Variants in ZNF423 observed in about 807,000 individuals in gnomAD.
ZNF423 encodes Ebf-associated zinc finger protein.
In ZNF423, 12 loss-of-function variants were observed where a neutral mutation model predicts 95.8. That is an observed-to-expected ratio of 0.13 (90% confidence interval 0.08 to 0.20). ZNF423 has a LOEUF of 0.20. ZNF423 is among the 10% of genes least tolerant of loss of function. The pLI, the probability that ZNF423 is intolerant of heterozygous loss-of-function variation, is 1.00. For synonymous variants in ZNF423, 749 were observed against 711.9 expected, an observed-to-expected ratio of 1.05 and a Z score of -0.83; for missense variants, 1,316 against 1,737.1, an observed-to-expected ratio of 0.76 and a Z score of 4.31.
At chr16:49,733,213 TAA>T (rs34982742) in intron 2 of ZNF423, among the ~76,000 whole-genome samples, 1 of 150,504 alleles carries the variant, frequency 6.6e-6, no homozygotes, top group African/African-American at 2.4e-5. Flanking sequence ...CTTTCCTTAA[TAA>T]AAAAAAAATG....
At chr16:49,652,172 C>G (rs1973433076) in intron 3 of ZNF423, among the ~76,000 whole-genome samples, 3 of 152,064 alleles carry the variant, frequency 2.0e-5, no homozygotes, top group Admixed American at 1.3e-4. Context: ...CCCCCGCCCC[C>G]ACATGGCTGC....
chr16:49,602,459 T>C (rs1274062050), intron 5 of ZNF423, among the ~76,000 whole-genome samples: 1 of 152,176 alleles, frequency 6.6e-6, no homozygotes, highest in Non-Finnish European at 1.5e-5. Flanking sequence ...CCAGGTCAGC[T>C]GGCAGGTCAT....
intron 7 of ZNF423, chr16:49,518,694 T>A: frequency 2.8e-6 from 1 of 355,928 alleles, no homozygotes; most frequent in Non-Finnish European, 5.3e-6. Flanking sequence ...TTTTCCAGAA[T>A]GTCATGTCAA....
chr16:49,767,021 A>G (rs2033942636), intron 2 of ZNF423, among the ~76,000 whole-genome samples: 1 of 149,304 alleles, frequency 6.7e-6, no homozygotes, highest in Non-Finnish European at 1.5e-5. Context: ...CCCAAGCTGT[A>G]GTGCAGTGGT....
At chr16:49,617,990 T>C (rs1971932450) in intron 5 of ZNF423, among the ~76,000 whole-genome samples, 1 of 152,224 alleles carries the variant, frequency 6.6e-6, no homozygotes, top group East Asian at 1.9e-4. Context: ...TCACCATCTA[T>C]GCTGATGCCG....
intron 3 of ZNF423, among the ~76,000 whole-genome samples, chr16:49,672,338 T>TG (rs968874218): frequency 2.4e-4 from 36 of 152,198 alleles, no homozygotes; most frequent in African/African-American, 8.7e-4. Context: ...GGTGACCCTG[T>TG]GGGGTAGGTA....
chr16:49,530,133 C>T (rs1316642827), intron 5 of ZNF423, among the ~76,000 whole-genome samples: 1 of 152,214 alleles, frequency 6.6e-6, no homozygotes. Flanking sequence ...CCTCTCTGAG[C>T]TTCTGCTTCT....
At chr16:49,723,141 G>C (rs1322147005) in intron 3 of ZNF423, among the ~76,000 whole-genome samples, 1 of 151,948 alleles carries the variant, frequency 6.6e-6, no homozygotes, top group African/African-American at 2.4e-5. Context: ...ATTTTCAGTA[G>C]AGACGGGGTT....
chr16:49,535,244 T>A (rs1969018473), intron 5 of ZNF423, among the ~76,000 whole-genome samples: 1 of 152,222 alleles, frequency 6.6e-6, no homozygotes, highest in African/African-American at 2.4e-5. Flanking sequence ...GATTCCACAC[T>A]GCCAGGGAGC....
At chr16:49,766,425 C>T (rs2033930183) in intron 2 of ZNF423, among the ~76,000 whole-genome samples, 2 of 152,142 alleles carry the variant, frequency 1.3e-5, no homozygotes. Context: ...GGCAAGAAAA[C>T]GCAGGTGCTT....
chr16:49,534,789 T>C (rs150545199), intron 5 of ZNF423, among the ~76,000 whole-genome samples: 13 of 152,308 alleles, frequency 8.5e-5, no homozygotes, highest in Non-Finnish European at 1.6e-4. Flanking sequence ...TTCAAAATGC[T>C]TCTGTGTCAG....
intron 5 of ZNF423, among the ~76,000 whole-genome samples, chr16:49,590,792 T>C (rs1970990168): frequency 6.6e-6 from 1 of 152,206 alleles, no homozygotes; most frequent in Non-Finnish European, 1.5e-5. Flanking sequence ...ACTGAAGCGA[T>C]GCCAGCATCC....
At chr16:49,752,739 A>C (rs1333435701) in intron 2 of ZNF423, among the ~76,000 whole-genome samples, 1 of 151,726 alleles carries the variant, frequency 6.6e-6, no homozygotes, top group African/African-American at 2.4e-5. Flanking sequence ...TAATTACTTA[A>C]CCTCTCTGAA....
chr16:49,587,800 G>T (rs1188689085), intron 5 of ZNF423, among the ~76,000 whole-genome samples: 1 of 152,026 alleles, frequency 6.6e-6, no homozygotes, highest in Non-Finnish European at 1.5e-5. Context: ...TCTAACTTTT[G>T]CTGTACTTAT....
At chr16:49,848,857 G>A (rs1025345630) in intron 1 of ZNF423, among the ~76,000 whole-genome samples, 1 of 152,120 alleles carries the variant, frequency 6.6e-6, no homozygotes, top group African/African-American at 2.4e-5. Context: ...ACCTCGCACC[G>A]CAGTGTATCA....
intron 5 of ZNF423, among the ~76,000 whole-genome samples, chr16:49,595,762 T>G (rs983691000): frequency 6.6e-6 from 1 of 152,228 alleles, no homozygotes; most frequent in African/African-American, 2.4e-5. Flanking sequence ...TAGTATTTTG[T>G]CAATATTTTT....
intron 3 of ZNF423, chr16:49,664,005 T>C (rs971564874): frequency 1.2e-5 from 11 of 941,470 alleles, no homozygotes; most frequent in Non-Finnish European, 1.4e-5. Context: ...GACTCGGCGT[T>C]CCGGTGCAGA....
intron 1 of ZNF423, among the ~76,000 whole-genome samples, chr16:49,809,694 C>T (rs752052906): frequency 3.9e-5 from 6 of 152,198 alleles, no homozygotes; most frequent in Non-Finnish European, 8.8e-5. Context: ...TGGGGACCCC[C>T]GGGTGGGTTA....
intron 2 of ZNF423, among the ~76,000 whole-genome samples, chr16:49,781,750 C>A (rs922172690): frequency 6.6e-6 from 1 of 152,196 alleles, no homozygotes; most frequent in Non-Finnish European, 1.5e-5. Flanking sequence ...ATGAGGCTGT[C>A]GCCTTGGTCA....
Sources: gnomAD v4.1 joint callset for allele counts (sites outside exome capture counted in the v4.1 genomes callset) on GRCh38, gnomAD v4.1.1 for gene constraint, MANE v1.5 for transcripts, NCBI Gene and HGNC (gene_info 2026-07-23, HGNC 2026-07-21) for gene names.